The following RGL1 variants were observed in gnomAD, a reference collection of about 807,000 sequenced individuals.
The protein encoded by RGL1 is ral guanine nucleotide dissociation stimulator like 1.
RGL1 carries 24 observed loss-of-function variants against 95.2 expected under a neutral mutation model. The observed-to-expected ratio is 0.25, with a 90% CI of 0.18 to 0.35. The LOEUF is 0.35. Ranked by LOEUF, RGL1 falls within the 10% of genes least tolerant of loss-of-function variation. The probability of loss-of-function intolerance (pLI) is 1.00; values close to 1 mark genes in which losing one functional copy is unlikely to be tolerated. For synonymous variants in RGL1, 329 were observed against 344.9 expected, an observed-to-expected ratio of 0.95 and a Z score of 0.51; for missense variants, 715 against 936.3, an observed-to-expected ratio of 0.76 and a Z score of 3.08.
intron 2 of RGL1, among the ~76,000 whole-genome samples, chr1:183,756,132 G>A (rs555028847): frequency 9.9e-5 from 15 of 151,504 alleles, no homozygotes; most frequent in South Asian, 2.1e-4. Flanking sequence ...TGAACCACCC[G>A]TCTCGGCCTC....
intron 8 of RGL1, among the ~76,000 whole-genome samples, chr1:183,889,102 A>G (rs1667275121): frequency 6.6e-6 from 1 of 152,146 alleles, no homozygotes. Flanking sequence ...GCCACATCCT[A>G]TGCTGTTTTT....
chr1:183,907,130 C>T (rs745588503), intron 14 of RGL1, 29 bp downstream of exon 14: 2 of 1,373,630 alleles, frequency 1.5e-6, no homozygotes, highest in South Asian at 2.4e-5. Flanking sequence ...TTCTGGGGCT[C>T]CAAGAGGGTG....
chr1:183,893,706 A>C (rs1363560855), intron 9 of RGL1, among the ~76,000 whole-genome samples: 1 of 152,110 alleles, frequency 6.6e-6, no homozygotes, highest in Non-Finnish European at 1.5e-5. Context: ...GCCTTCCTTC[A>C]TTCTCAGGTC....
chr1:183,658,079 C>T (rs534366899), intron 1 of RGL1, among the ~76,000 whole-genome samples: 16 of 152,240 alleles, frequency 1.1e-4, no homozygotes, highest in South Asian at 6.2e-4. Flanking sequence ...GGGGTGGAGC[C>T]GAGATGGCCG....
At chr1:183,727,056 A>G in intron 1 of RGL1, among the ~76,000 whole-genome samples, 1 of 152,170 alleles carries the variant, frequency 6.6e-6, no homozygotes, top group Non-Finnish European at 1.5e-5. Context: ...AAATATTGCA[A>G]ATAAAGACAA....
intron 17 of RGL1, among the ~76,000 whole-genome samples, chr1:183,923,797 G>A (rs893918284): frequency 5.9e-5 from 9 of 152,178 alleles, no homozygotes; most frequent in African/African-American, 2.2e-4. Context: ...ACTTTGAGGG[G>A]ATTGTTCTCC....
chr1:183,743,020 G>GT (rs1200158301), intron 2 of RGL1, among the ~76,000 whole-genome samples: 5 of 151,578 alleles, frequency 3.3e-5, no homozygotes, highest in East Asian at 1.9e-4. Context: ...TTATGTTTTT[G>GT]TTTTTTTTGG....
intron 1 of RGL1, among the ~76,000 whole-genome samples, chr1:183,726,213 A>G (rs1656302964): frequency 6.6e-6 from 1 of 152,086 alleles, no homozygotes; most frequent in Non-Finnish European, 1.5e-5. Context: ...TATAAGCAAC[A>G]GGCCAAGCTT....
chr1:183,658,924 G>A (rs993392408), intron 1 of RGL1, among the ~76,000 whole-genome samples: 8 of 151,794 alleles, frequency 5.3e-5, no homozygotes, highest in African/African-American at 1.9e-4. Context: ...TGCAGCCACC[G>A]CTGCTGGTAC....
chr1:183,866,762 G>A (rs1049964699), intron 4 of RGL1, among the ~76,000 whole-genome samples: 9 of 152,206 alleles, frequency 5.9e-5, no homozygotes, highest in South Asian at 2.1e-4. Flanking sequence ...TAAAAGACCC[G>A]CTCTGGCTCT....
chr1:183,864,524 A>G (rs1268645252), intron 3 of RGL1, among the ~76,000 whole-genome samples: 1 of 152,224 alleles, frequency 6.6e-6, no homozygotes, highest in African/African-American at 2.4e-5. Context: ...ATGTTGGCCA[A>G]GTATAGAGCT....
chr1:183,852,470 G>A (rs1664880992), intron 3 of RGL1, among the ~76,000 whole-genome samples: 1 of 152,146 alleles, frequency 6.6e-6, no homozygotes, highest in Admixed American at 6.5e-5. Context: ...AGCAGTTTGT[G>A]TTGGGGCTTT....
At chr1:183,740,187 A>G (rs956887373) in intron 1 of RGL1, among the ~76,000 whole-genome samples, 1 of 152,040 alleles carries the variant, frequency 6.6e-6, no homozygotes, top group African/African-American at 2.4e-5. Context: ...AAATCTCTAC[A>G]TGACTCTGAT....
At chr1:183,904,709 G>A in intron 12 of RGL1, 141 bp from the exon 13 acceptor site, 7 of 801,914 alleles carry the variant, frequency 8.7e-6, no homozygotes, top group Non-Finnish European at 1.3e-5. Flanking sequence ...TTTTAAGGAA[G>A]CAGTATTTCA....
intron 8 of RGL1, among the ~76,000 whole-genome samples, chr1:183,889,447 A>T (rs1342305029): frequency 1.3e-5 from 2 of 152,192 alleles, no homozygotes; most frequent in Non-Finnish European, 1.5e-5. Flanking sequence ...GAGGAGAGGG[A>T]TGCCAGCTGG....
intron 1 of RGL1, among the ~76,000 whole-genome samples, chr1:183,661,272 G>T (rs1385915959): frequency 4.6e-5 from 7 of 152,140 alleles, no homozygotes; most frequent in African/African-American, 1.7e-4. Context: ...TCCAGGAGCT[G>T]GTTTTTTGAA....
At chr1:183,773,131 G>A (rs1009409586) in intron 2 of RGL1, among the ~76,000 whole-genome samples, 1 of 149,692 alleles carries the variant, frequency 6.7e-6, no homozygotes, top group Non-Finnish European at 1.5e-5. Context: ...TCATCCTTCA[G>A]ACTCTGGAAA....
chr1:183,902,686 GA>G, intron 12 of RGL1, 86 bp downstream of exon 12: 8 of 1,314,646 alleles, frequency 6.1e-6, no homozygotes, highest in South Asian at 1.3e-5. Context: ...TGTAGAGGCA[GA>G]AAAAAATGAG....
intron 1 of RGL1, among the ~76,000 whole-genome samples, chr1:183,685,717 T>A: frequency 6.6e-6 from 1 of 152,214 alleles, no homozygotes; most frequent in East Asian, 1.9e-4. Flanking sequence ...GGCAAGTATA[T>A]GATCAGATAA....
Sources: gnomAD v4.1 joint callset for allele counts (sites outside exome capture counted in the v4.1 genomes callset) on GRCh38, gnomAD v4.1.1 for gene constraint, MANE v1.5 for transcripts, NCBI Gene and HGNC (gene_info 2026-07-23, HGNC 2026-07-21) for gene names.